Variants in SPAG16 observed in about 807,000 individuals in gnomAD.
The protein encoded by SPAG16 is sperm-associated antigen 16 protein.
A neutral mutation model predicts 80.4 loss-of-function variants in SPAG16; 86 were observed. The ratio of observed to expected loss-of-function variants is 1.07; its 90% CI spans 0.90 to 1.28. The LOEUF (loss-of-function observed/expected upper bound fraction) is 1.28. Among genes scored for constraint, SPAG16 ranks in the 50% most tolerant of loss-of-function variants. The pLI, the probability that SPAG16 is intolerant of heterozygous loss-of-function variation, is 0.00. For missense variants in SPAG16, 870 were observed against 765.3 expected, an observed-to-expected ratio of 1.14 and a Z score of -1.61; for synonymous variants, 294 against 265.9, an observed-to-expected ratio of 1.11 and a Z score of -1.03.
At position 213,688,285 on chromosome 2, in the gene SPAG16, G is replaced by A. The variant is rs191849346; in HGVS notation, c.1071-174200G>A. 1.8e-3 allele frequency among the ~76,000 whole-genome samples: 267 copies of A among 152,218 alleles called. 2 individuals are homozygous for A. The highest frequency in any genetic ancestry group is 6.1e-3 in the African/African-American group (254 of 41,530). On this transcript the variant is annotated intron_variant, in intron 10 of 15. Transcript: ENST00000331683. ...CCATTAAAGACAATAGATGACAAAT[G>A]TTTCCTATTCAGACCTTTAAAAGGT...
At chr2:214,264,659 C>T (rs921962085) in intron 15 of SPAG16, among the ~76,000 whole-genome samples, 3 of 152,080 alleles carry the variant, frequency 2.0e-5, no homozygotes, top group Non-Finnish European at 4.4e-5. Context: ...AAGGTTTACT[C>T]TTTGTGCTGT....
intron 9 of SPAG16, among the ~76,000 whole-genome samples, chr2:213,452,925 G>A (rs925617152): frequency 1.3e-5 from 2 of 152,196 alleles, no homozygotes; most frequent in Non-Finnish European, 2.9e-5. Context: ...AAGATACCAT[G>A]TAAAATATTA....
At chr2:214,012,660 T>G (rs564719892) in intron 12 of SPAG16, among the ~76,000 whole-genome samples, 1 of 152,220 alleles carries the variant, frequency 6.6e-6, no homozygotes, top group East Asian at 1.9e-4. Flanking sequence ...TACTTACTAG[T>G]TATCCTGATT....
intron 14 of SPAG16, among the ~76,000 whole-genome samples, chr2:214,145,907 A>G (rs1210429829): frequency 1.3e-5 from 2 of 152,186 alleles, no homozygotes; most frequent in African/African-American, 4.8e-5. Flanking sequence ...AGTAAGAACT[A>G]TACTGGATGC....
intron 14 of SPAG16, among the ~76,000 whole-genome samples, chr2:214,108,480 CCCCCACACACA>C (rs2053509658): frequency 1.9e-5 from 1 of 52,500 alleles, no homozygotes; most frequent in African/African-American, 4.7e-5. Flanking sequence ...CACACACACA[CCCCCACACACA>C]CCCCAAGTCG....
intron 10 of SPAG16, among the ~76,000 whole-genome samples, chr2:213,743,266 A>G (rs2067667116): frequency 6.6e-6 from 1 of 152,210 alleles, no homozygotes; most frequent in African/African-American, 2.4e-5. Flanking sequence ...ACTAAAATGT[A>G]TGTTCTGAAT....
chr2:213,868,911 T>C (rs1338667565), intron 11 of SPAG16, among the ~76,000 whole-genome samples: 1 of 152,096 alleles, frequency 6.6e-6, no homozygotes, highest in Non-Finnish European at 1.5e-5. Flanking sequence ...CCTAAAACCA[T>C]AGTATGAAAA....
chr2:214,107,707 T>G (rs1006167341), intron 13 of SPAG16, among the ~76,000 whole-genome samples: 2 of 152,170 alleles, frequency 1.3e-5, no homozygotes, highest in African/African-American at 2.4e-5. Context: ...TGTATATATT[T>G]TATAAATTTT....
intron 10 of SPAG16, among the ~76,000 whole-genome samples, chr2:213,606,655 G>C (rs1360017245): frequency 6.6e-6 from 1 of 152,144 alleles, no homozygotes; most frequent in Non-Finnish European, 1.5e-5. Flanking sequence ...GCCTACTACA[G>C]ATCATAATTT....
chr2:214,314,820 G>T (rs191715706), intron 15 of SPAG16, among the ~76,000 whole-genome samples: 2 of 152,248 alleles, frequency 1.3e-5, no homozygotes. Flanking sequence ...GTACTATAAT[G>T]AAAGCTGTTT....
intron 10 of SPAG16, among the ~76,000 whole-genome samples, chr2:213,672,833 T>TG (rs1553606272): frequency 0.012 from 1,790 of 151,682 alleles, 31 homozygotes; most frequent in African/African-American, 0.03. Flanking sequence ...ATCAGTTTTT[T>TG]TTTGTTTGTT....
chr2:213,554,755 A>G (rs1457020303), intron 10 of SPAG16, among the ~76,000 whole-genome samples: 1 of 152,034 alleles, frequency 6.6e-6, no homozygotes, highest in Admixed American at 6.6e-5. Context: ...GCAGAAAAAA[A>G]AATCTGTGAA....
chr2:213,699,536 G>A (rs2065312631), intron 10 of SPAG16, among the ~76,000 whole-genome samples: 1 of 152,130 alleles, frequency 6.6e-6, no homozygotes, highest in Non-Finnish European at 1.5e-5. Context: ...GGGCTAATGG[G>A]AGAGTCCTTA....
intron 10 of SPAG16, among the ~76,000 whole-genome samples, chr2:213,761,734 C>T (rs1198468725): frequency 4.6e-5 from 7 of 151,808 alleles, no homozygotes; most frequent in Non-Finnish European, 8.8e-5. Flanking sequence ...GGCGTGGTGG[C>T]GGGCGCCTGT....
chr2:214,261,107 CAAAAAAAAAAAAAAAAAAAAAAAAAAAAA>C lies in SPAG16; in HGVS notation c.1720+111859_1720+111887del, dbSNP rs558534808. Among the ~76,000 whole-genome samples the C allele has an allele frequency of 5.0e-4, 27 of 54,470 alleles. 1 individual carries two copies. The highest frequency in any genetic ancestry group is 3.3e-3 in the Admixed American group (12 of 3,692). The allele number at this position is 54,470 out of a possible 152,430, so 35.7% of individuals were successfully genotyped here. A position where few individuals can be genotyped will look rare whatever the true frequency, so the allele number is the denominator to read the frequency against. ...GGGCTACAAGAGCAAGACTCAGTCT[CAAAAAAAAAAAAAAAAAAAAAAAAAAAAA>C]AAAAAAAAAAAAAAAAAGGAAAAAC... On this transcript the variant is annotated intron_variant, in intron 15 of 15. Coordinates refer to ENST00000331683, the MANE Select transcript of SPAG16 (RefSeq NM_024532.5).
chr2:213,677,136 A>G (rs1342891272), intron 10 of SPAG16, among the ~76,000 whole-genome samples: 1 of 152,104 alleles, frequency 6.6e-6, no homozygotes, highest in African/African-American at 2.4e-5. Flanking sequence ...GAGGAAAGGA[A>G]CAACCGGTAC....
At chr2:213,412,516 A>G (rs1415559293) in intron 9 of SPAG16, among the ~76,000 whole-genome samples, 1 of 152,190 alleles carries the variant, frequency 6.6e-6, no homozygotes, top group East Asian at 1.9e-4. Flanking sequence ...TATGAATCAA[A>G]GTTTTATCCT....
intron 10 of SPAG16, among the ~76,000 whole-genome samples, chr2:213,630,611 T>C (rs1304574568): frequency 2.0e-5 from 3 of 152,152 alleles, no homozygotes; most frequent in Non-Finnish European, 2.9e-5. Context: ...ACCCAGCTCA[T>C]TGATGGCTGA....
chr2:213,704,457 C>T (rs2065647110), intron 10 of SPAG16, among the ~76,000 whole-genome samples: 1 of 152,080 alleles, frequency 6.6e-6, no homozygotes, highest in Admixed American at 6.5e-5. Flanking sequence ...GACATCACAG[C>T]CCACTTACAC....
Sources: gnomAD v4.1 joint callset for allele counts (sites outside exome capture counted in the v4.1 genomes callset) on GRCh38, gnomAD v4.1.1 for gene constraint, MANE v1.5 for transcripts, NCBI Gene and HGNC (gene_info 2026-07-23, HGNC 2026-07-21) for gene names.